GRAMD1A: variants seen among roughly 807,000 people sequenced by gnomAD.
GRAMD1A encodes protein Aster-A.
In GRAMD1A, 50 loss-of-function variants were observed where a neutral mutation model predicts 92.0. That is an observed-to-expected ratio of 0.54 (90% confidence interval 0.43 to 0.69). GRAMD1A has a LOEUF of 0.69. GRAMD1A is among the 30% of genes least tolerant of loss of function. The probability of loss-of-function intolerance (pLI) is 0.00; values close to 1 mark genes in which losing one functional copy is unlikely to be tolerated. For synonymous variants in GRAMD1A, 405 were observed against 403.6 expected, an observed-to-expected ratio of 1.00 and a Z score of -0.04; for missense variants, 819 against 978.9, an observed-to-expected ratio of 0.84 and a Z score of 2.18.
rs879892082 is a variant in GRAMD1A at position 35,013,136 on chromosome 19, C to T, written c.607-120C>T. Reference sequence around the variant, plus strand: ...TGAGGCCAGGTCTGGTGCGGGAGATCGTGGCTGCCTCCTTGTGGAAGCCAG... The same window carrying T: ...TGAGGCCAGGTCTGGTGCGGGAGATTGTGGCTGCCTCCTTGTGGAAGCCAG... On this transcript the variant is annotated intron_variant, in intron 7 of 19. Coordinates refer to ENST00000317991, the MANE Select transcript of GRAMD1A (RefSeq NM_020895.5). This position sits in a 1 kb window ranked among gnomAD's most constrained non-coding sequence, Gnocchi z 4.9. The T allele has an allele frequency of 3.9e-5, 24 of 618,880 alleles. No homozygotes were observed. The highest frequency in any genetic ancestry group is 9.1e-5 in the African/African-American group (5 of 54,924). 38.3% of individuals were successfully genotyped at this position (618,880 alleles called of 1,614,324 possible).
chr19:35,005,102 G>T (rs2014700868), intron 1 of GRAMD1A, among the ~76,000 whole-genome samples: 2 of 151,920 alleles, frequency 1.3e-5, no homozygotes, highest in Non-Finnish European at 2.9e-5. Flanking sequence ...GGGGAAGGAG[G>T]GCCGATCACC....
At chr19:35,022,244 G>C (rs536878976) in intron 16 of GRAMD1A, among the ~76,000 whole-genome samples, 16 of 152,228 alleles carry the variant, frequency 1.1e-4, no homozygotes, top group South Asian at 8.3e-4. Context: ...AGCCGGGGGG[G>C]GCTATGGGAG....
Position 35,023,444 on chromosome 19 carries a change from C to T in GRAMD1A, c.1979C>T (p.Ala660Val). The change falls in exon 19 of 20, where the codon GCC (alanine) becomes GTC (valine). Residue 660 changes from alanine to valine, a missense_variant. Transcript: ENST00000317991. ...ALAKGKFPQT[A>V]TEWAEILALQ... Reference sequence around the variant, plus strand: ...CCCCACAGCAAGTTCCCCCAGACGGCCACAGAGTGGGCCGAGATCCTGGCG... The same window carrying T: ...CCCCACAGCAAGTTCCCCCAGACGGTCACAGAGTGGGCCGAGATCCTGGCG... 1 of 1,591,418 alleles carries T rather than the reference C, an allele frequency of 6.3e-7. No individual in the cohort carries two copies.
Position 35,011,518 on chromosome 19 carries a change from C to T in GRAMD1A, c.570C>T (p.Leu190=), listed in dbSNP as rs1406786137. The change falls in exon 7 of 20, where the codon CTC becomes CTT. Residue 190 remains leucine, a synonymous_variant. Transcript: ENST00000317991. The part of the protein sequence containing the change: ...SFGARDRCFL[L]IFRLWQNALL... ...GGGCCCGTGACCGCTGCTTCCTCCTCATCTTCCGCCTCTGGCAGAATGCAC... is the reference window on the plus strand; with the variant it reads ...GGGCCCGTGACCGCTGCTTCCTCCTTATCTTCCGCCTCTGGCAGAATGCAC... The T allele has an allele frequency of 2.5e-6, 4 of 1,611,820 alleles. No individual in the cohort carries two copies. The South Asian group carries it at 4.4e-5, about 18-fold the overall frequency.
In GRAMD1A at chr19:35,011,545, G is replaced by A. The variant is rs868605974; in HGVS notation, c.597G>A (p.Leu199=). 1.2e-6 allele frequency: 2 copies of A among 1,610,122 alleles called. No homozygotes were observed. Among genetic ancestry groups the A allele is most frequent in the Non-Finnish European group, 1.7e-6 (2 of 1,178,894 alleles). Reference sequence around the variant, plus strand: ...TCTTCCGCCTCTGGCAGAATGCACTGCTTGAAAAGGTGGGCCTGGGTGAGG... The same window carrying A: ...TCTTCCGCCTCTGGCAGAATGCACTACTTGAAAAGGTGGGCCTGGGTGAGG... ...LLIFRLWQNA[L]LEKTLSPREL... is the part of the protein sequence containing the mutation. The change falls in exon 7 of 20, where the codon CTG becomes CTA. Residue 199 remains leucine, a synonymous_variant. Coordinates refer to ENST00000317991, the MANE Select transcript of GRAMD1A (RefSeq NM_020895.5).
intron 6 of GRAMD1A, 71 bp downstream of exon 6, chr19:35,010,450 GC>G: frequency 9.9e-7 from 1 of 1,005,840 alleles, no homozygotes; most frequent in Non-Finnish European, 1.6e-6. Context: ...AACATGCAAA[GC>G]CCCATTTGTT....
Position 35,026,043 on chromosome 19 carries a change from C to A in GRAMD1A, c.2083-6C>A. 1 of 1,533,758 alleles carries A rather than the reference C, an allele frequency of 6.5e-7. No individual in the cohort carries two copies. Among genetic ancestry groups the A allele is most frequent in the South Asian group, 1.1e-5 (1 of 89,564 alleles). On this transcript the variant is annotated splice_region_variant and splice_polypyrimidine_tract_variant and intron_variant, in intron 19 of 19. Coordinates refer to ENST00000317991, the MANE Select transcript of GRAMD1A (RefSeq NM_020895.5). The stretch of plus-strand genomic sequence containing the variant: ...ACCCCCGACCCTGCTCACCTCCTCC[C>A]CGCAGATGAAGTTCTCGCTGGAGAA...
Position 35,026,266 on chromosome 19 carries a change from G to A in GRAMD1A, c.*125G>A, listed in dbSNP as rs1165835366. The A allele has an allele frequency of 1.5e-6, 1 of 651,822 alleles. No individual in the cohort carries two copies. The highest frequency in any genetic ancestry group is 2.2e-5 in the Admixed American group (1 of 46,012). 40.4% of individuals were successfully genotyped at this position (651,822 alleles called of 1,614,324 possible). On this transcript the variant is annotated 3_prime_UTR_variant, in exon 20 of 20. Coordinates refer to ENST00000317991, the MANE Select transcript of GRAMD1A (RefSeq NM_020895.5). ...CGCCCCTCCCGACGGCCCAACCAGG[G>A]GCTGTGCAGACGTGGGGACCACGGA...
At position 35,021,512 on chromosome 19, in the gene GRAMD1A, G is replaced by C; in HGVS notation, c.1486G>C (p.Glu496Gln). ...ATCTCCCAACCCCAGAGTGTCTTCT[G>C]AGATCCGCTACCGAAAGCAGCCGTG... ...RNKARLRVSS[E>Q]IRYRKQPWSL... The change falls in exon 14 of 20, where the codon GAG (glutamate) becomes CAG (glutamine). Residue 496 changes from glutamate to glutamine, a missense_variant. Around this residue, in one of 3 missense-constraint regions of GRAMD1A, gnomAD observed 577 missense variants for 674.6 expected, o/e 0.86. Coordinates refer to ENST00000317991, the MANE Select transcript of GRAMD1A (RefSeq NM_020895.5). This position sits in a 1 kb window ranked among gnomAD's most constrained non-coding sequence, Gnocchi z 5.3. The C allele has an allele frequency of 6.2e-7, 1 of 1,613,618 alleles. No individual in the cohort carries two copies. Among genetic ancestry groups the C allele is most frequent in the Non-Finnish European group, 8.5e-7 (1 of 1,179,504 alleles).
At chr19:35,014,086 C>T in intron 9 of GRAMD1A, 103 bp from the exon 10 acceptor site, 3 of 1,107,662 alleles carry the variant, frequency 2.7e-6, no homozygotes, top group Non-Finnish European at 4.1e-6. Context: ...CACACACCAC[C>T]CCGGGTCTGC....
chr19:34,997,221 C>T (rs2014071300), upstream of GRAMD1A, among the ~76,000 whole-genome samples: 2 of 152,004 alleles, frequency 1.3e-5, no homozygotes, highest in African/African-American at 4.8e-5. Context: ...ATCAGCACTT[C>T]TTTATCCAAA....
At chr19:35,009,372 G>T (rs761717804) in intron 2 of GRAMD1A, 43 bp downstream of exon 2, 2 of 1,613,308 alleles carry the variant, frequency 1.2e-6, no homozygotes, top group African/African-American at 1.3e-5. Flanking sequence ...GCTAGTGGGG[G>T]CTGGCCGGTG....
intron 7 of GRAMD1A, among the ~76,000 whole-genome samples, chr19:35,011,920 G>A (rs764800151): frequency 1.7e-4 from 26 of 152,110 alleles, no homozygotes; most frequent in Admixed American, 6.6e-5. Flanking sequence ...CCGGCTGAGC[G>A]GCACTCACGC....
In GRAMD1A at chr19:35,021,789, A is replaced by AGCTGGCGG; in HGVS notation, c.1682_1689dup (p.His564GlyfsTer54). ...CCTGCGGCGGCGGAAGCGGCCCCTG[A>AGCTGGCGG]GCTGGCGGGCTCACGGGGACGGGCC... On this transcript the variant is annotated frameshift_variant, in exon 15 of 20. Coordinates refer to ENST00000317991, the MANE Select transcript of GRAMD1A (RefSeq NM_020895.5). LOFTEE classifies it high-confidence loss of function. The surrounding 1 kb of genome is among the most constrained non-coding windows in gnomAD (Gnocchi z 5.3). 1 of 1,611,728 alleles carries AGCTGGCGG rather than the reference A, an allele frequency of 6.2e-7. No individual in the cohort carries two copies. The highest frequency in any genetic ancestry group is 8.5e-7 in the Non-Finnish European group (1 of 1,179,218).
intron 9 of GRAMD1A, 23 bp from the exon 10 acceptor site, chr19:35,014,166 C>T (rs1430923862): frequency 1.9e-6 from 3 of 1,606,898 alleles, no homozygotes; most frequent in African/African-American, 2.7e-5. Flanking sequence ...GTGGCCAAGG[C>T]TGCATCGGGC....
chr19:35,012,062 C>T (rs1190727328), intron 7 of GRAMD1A, among the ~76,000 whole-genome samples: 1 of 152,240 alleles, frequency 6.6e-6, no homozygotes, highest in Non-Finnish European at 1.5e-5. Context: ...GATTCCAGCC[C>T]CATCCCCTGG....
chr19:35,023,204 C>T (rs1047044748), intron 17 of GRAMD1A, 32 bp from the exon 18 acceptor site: 4 of 1,516,628 alleles, frequency 2.6e-6, no homozygotes, highest in Non-Finnish European at 3.7e-6. Context: ...ATCTAGACCC[C>T]AGGAATCCTG....
upstream of GRAMD1A, among the ~76,000 whole-genome samples, chr19:34,995,570 G>GTTTTTTTTTTTTTT (rs1173583059): frequency 2.1e-4 from 17 of 80,980 alleles, 5 homozygotes; most frequent in South Asian, 7.1e-4. Context: ...TCAGATCACG[G>GTTTTTTTTTTTTTT]GTTTTTTTTT....
chr19:35,019,412 C>A lies in GRAMD1A; in HGVS notation c.1354C>A (p.Gln452Lys), dbSNP rs1341695685. The stretch of plus-strand genomic sequence containing the variant: ...GCAGACGCTGTTCCGGCGCGGCCCC[C>A]AGGCCGGCGGGTGTGTGGTGGACTC... ...ETQTLFRRGPQAGGCVVDSEV... is the reference protein window; with the variant it reads ...ETQTLFRRGPKAGGCVVDSEV... The change falls in exon 13 of 20, where the codon CAG becomes AAG. Residue 452 changes from glutamine to lysine, a missense_variant. By Grantham distance (53) the Gln-to-Lys change is moderately conservative. Coordinates refer to ENST00000317991, the MANE Select transcript of GRAMD1A (RefSeq NM_020895.5). 1 of 1,613,910 alleles carries A rather than the reference C, an allele frequency of 6.2e-7. No individual in the cohort carries two copies. The highest frequency in any genetic ancestry group is 8.5e-7 in the Non-Finnish European group (1 of 1,179,928).
Sources: allele counts gnomAD v4.1 joint callset (sites outside exome capture counted in the v4.1 genomes callset), GRCh38; gene constraint gnomAD v4.1.1; regional missense constraint gnomAD v4.1.1; non-coding constraint Gnocchi (gnomAD v3.1); transcripts MANE v1.5; gene names NCBI Gene and HGNC (gene_info 2026-07-23, HGNC 2026-07-21).